CIMIP4: variants seen among roughly 807,000 people sequenced by gnomAD.
The protein encoded by CIMIP4 is protein EAN57.
the CIMIP4 span, chr22:37,000,025 G>T: frequency 6.3e-7 from 1 of 1,584,590 alleles, no homozygotes; most frequent in East Asian, 2.2e-5. Flanking sequence ...GGATGGAAAA[G>T]CAGTTTCAAG....
the CIMIP4 span, among the ~76,000 whole-genome samples, chr22:37,000,862 C>G: frequency 6.6e-6 from 1 of 152,188 alleles, no homozygotes; most frequent in African/African-American, 2.4e-5. Flanking sequence ...AGACTGTGAC[C>G]TTCCAGACTT....
At chr22:36,993,601 C>T in the CIMIP4 span, among the ~76,000 whole-genome samples, 28 of 151,108 alleles carry the variant, frequency 1.9e-4, no homozygotes, top group African/African-American at 6.1e-4. Flanking sequence ...TTGTGGCAGG[C>T]GCCTGTAGTC....
At chr22:36,991,277 C>T in the CIMIP4 span, 4 of 1,614,080 alleles carry the variant, frequency 2.5e-6, no homozygotes, top group Non-Finnish European at 2.5e-6. Flanking sequence ...TGCCACCGCC[C>T]TACAGCGAGC....
the CIMIP4 span, among the ~76,000 whole-genome samples, chr22:37,005,477 C>T: frequency 0.43 from 65,360 of 151,604 alleles, 14,186 homozygotes; most frequent in East Asian, 0.53. Flanking sequence ...TGGGACTGAA[C>T]TTGGAACCAA....
At chr22:37,005,559 T>C in the CIMIP4 span, among the ~76,000 whole-genome samples, 2 of 151,958 alleles carry the variant, frequency 1.3e-5, no homozygotes, top group African/African-American at 4.8e-5. Flanking sequence ...AACAGTTTTT[T>C]TTTTTTTTTA....
the CIMIP4 span, among the ~76,000 whole-genome samples, chr22:37,003,627 C>T: frequency 6.6e-6 from 1 of 152,182 alleles, no homozygotes; most frequent in South Asian, 2.1e-4. Context: ...TATATACCTC[C>T]CATCCATTGA....
the CIMIP4 span, chr22:37,000,074 C>A: frequency 1.4e-6 from 2 of 1,466,160 alleles, no homozygotes; most frequent in Non-Finnish European, 9.1e-7. Flanking sequence ...CTTGACCCTG[C>A]CCTCCCCACC....
At chr22:36,998,113 G>T in the CIMIP4 span, among the ~76,000 whole-genome samples, 1 of 152,168 alleles carries the variant, frequency 6.6e-6, no homozygotes, top group Non-Finnish European at 1.5e-5. Flanking sequence ...CTTCCCAGGT[G>T]GGATGATGGG....
At chr22:37,002,102 G>A in the CIMIP4 span, 1 of 1,573,610 alleles carries the variant, frequency 6.4e-7, no homozygotes, top group African/African-American at 1.4e-5. Context: ...AGCAGTCGGG[G>A]GTGGAGGGGG....
At chr22:36,991,700 G>A in the CIMIP4 span, 1 of 923,338 alleles carries the variant, frequency 1.1e-6, no homozygotes. Flanking sequence ...TTGTGGAACG[G>A]AAGGAGAGTG....
chr22:37,000,961 G>A, the CIMIP4 span, among the ~76,000 whole-genome samples: 1 of 152,170 alleles, frequency 6.6e-6, no homozygotes, highest in East Asian at 1.9e-4. Flanking sequence ...GACCCAAGCA[G>A]ATCGTAGCCC....
At chr22:37,001,927 C>A in the CIMIP4 span, 1 of 1,613,602 alleles carries the variant, frequency 6.2e-7, no homozygotes, top group Admixed American at 1.7e-5. Flanking sequence ...GGTTCGTGGG[C>A]GTGCTCCTCT....
the CIMIP4 span, among the ~76,000 whole-genome samples, chr22:37,004,941 G>A: frequency 6.6e-6 from 1 of 152,160 alleles, no homozygotes; most frequent in Admixed American, 6.5e-5. Flanking sequence ...ACCCGCCTCA[G>A]CCTCCCAAAG....
chr22:37,003,433 A>G, the CIMIP4 span, among the ~76,000 whole-genome samples: 1 of 152,174 alleles, frequency 6.6e-6, no homozygotes, highest in African/African-American at 2.4e-5. Context: ...GGCCTGACTC[A>G]GTCACGCCTG....
the CIMIP4 span, among the ~76,000 whole-genome samples, chr22:36,993,871 T>A: frequency 6.6e-6 from 1 of 152,192 alleles, no homozygotes; most frequent in African/African-American, 2.4e-5. Context: ...AACCAGATGA[T>A]GACACTACAG....
At chr22:36,991,349 G>A in the CIMIP4 span, 2 of 1,574,910 alleles carry the variant, frequency 1.3e-6, no homozygotes, top group African/African-American at 1.4e-5. Flanking sequence ...AGACCCCAGG[G>A]ATGACTCGTA....
At chr22:36,995,347 C>T in the CIMIP4 span, among the ~76,000 whole-genome samples, 1 of 152,190 alleles carries the variant, frequency 6.6e-6, no homozygotes, top group Admixed American at 6.5e-5. Flanking sequence ...CCTCTACTCT[C>T]CCCTCCCAGC....
At chr22:37,002,424 C>T in the CIMIP4 span, 3 of 614,798 alleles carry the variant, frequency 4.9e-6, no homozygotes, top group Non-Finnish European at 5.0e-6. Context: ...GACAAAGAGC[C>T]CCAGAGCTCC....
the CIMIP4 span, chr22:36,991,605 T>A: frequency 6.2e-7 from 1 of 1,612,656 alleles, no homozygotes; most frequent in East Asian, 2.2e-5. Context: ...TAGAATACCA[T>A]GAAGAAACCC....
Sources: allele counts gnomAD v4.1 joint callset (sites outside exome capture counted in the v4.1 genomes callset), GRCh38; gene constraint gnomAD v4.1.1; transcripts MANE v1.5; gene names NCBI Gene and HGNC (gene_info 2026-07-23, HGNC 2026-07-21).